Variants in PCDH15 observed in about 807,000 individuals in gnomAD.
The protein encoded by PCDH15 is protocadherin related 15.
PCDH15 carries 129 observed loss-of-function variants against 178.5 expected under a neutral mutation model. The observed-to-expected ratio is 0.72, with a 90% CI of 0.63 to 0.84. The LOEUF is 0.84. Ranked by LOEUF, PCDH15 falls within the 40% of genes least tolerant of loss-of-function variation. The probability of loss-of-function intolerance (pLI) is 0.00; values close to 1 mark genes in which losing one functional copy is unlikely to be tolerated. For missense variants in PCDH15, 2,230 were observed against 2,099.9 expected (o/e 1.06, Z -1.21); for synonymous variants, 800 against 732.0 (o/e 1.09, Z -1.50).
At position 54,781,594 on chromosome 10, in the gene PCDH15, C is replaced by A. The variant is rs1950364815; in HGVS notation, c.-29+19331G>T. On this transcript the variant is annotated intron_variant, in intron 1 of 37. Transcript: ENST00000644397. ...AAGTCATTCTAATGAAGCAATAACACTAACATAGTTTTCCAATAAATATAC... is the reference window on the plus strand; with the variant it reads ...AAGTCATTCTAATGAAGCAATAACAATAACATAGTTTTCCAATAAATATAC... 2.6e-5 allele frequency among the ~76,000 whole-genome samples: 4 copies of A among 152,122 alleles called. No homozygotes were observed. In the South Asian group the frequency reaches 6.2e-4, roughly 24 times the overall value.
At chr10:55,387,676 A>G (rs1837695221) in intron 2 of PCDH15, among the ~76,000 whole-genome samples, 1 of 152,148 alleles carries the variant, frequency 6.6e-6, no homozygotes, top group Non-Finnish European at 1.5e-5. Flanking sequence ...AGGCACTTTA[A>G]GAGCCAAATT....
At chr10:55,617,368 T>C (rs745542634) in intron 2 of PCDH15, among the ~76,000 whole-genome samples, 4 of 152,070 alleles carry the variant, frequency 2.6e-5, no homozygotes, top group Non-Finnish European at 5.9e-5. Flanking sequence ...TTCACTGTAA[T>C]TGCTGCAAAC....
intron 8 of PCDH15, among the ~76,000 whole-genome samples, chr10:54,287,321 A>G (rs2059092829): frequency 6.6e-6 from 1 of 152,224 alleles, no homozygotes; most frequent in Admixed American, 6.5e-5. Flanking sequence ...CTTTTATGAC[A>G]CACAACAATT....
chr10:53,958,159 T>A (rs1352726083), intron 23 of PCDH15, among the ~76,000 whole-genome samples: 1 of 152,126 alleles, frequency 6.6e-6, no homozygotes, highest in African/African-American at 2.4e-5. Flanking sequence ...AACACTAAAG[T>A]CATCCTAGAA....
chr10:54,286,126 T>C (rs2059011903), intron 8 of PCDH15, among the ~76,000 whole-genome samples: 1 of 152,186 alleles, frequency 6.6e-6, no homozygotes, highest in African/African-American at 2.4e-5. Flanking sequence ...TTCTGGTGCT[T>C]TATTGCACAT....
At chr10:54,123,455 G>A (rs1014436246) in intron 15 of PCDH15, among the ~76,000 whole-genome samples, 9 of 152,014 alleles carry the variant, frequency 5.9e-5, no homozygotes, top group African/African-American at 2.2e-4. Flanking sequence ...AGAAATGCAA[G>A]TCAAAACCAC....
Position 54,825,119 on chromosome 10 carries a change from C to T in PCDH15, c.-29+72331G>A, listed in dbSNP as rs1420007351. Reference sequence around the variant, plus strand: ...ATTCCCACCTATGAGTGAGAACATGCGGTGTTTGGTTTTTTGTCCTTGCGA... The same window carrying T: ...ATTCCCACCTATGAGTGAGAACATGTGGTGTTTGGTTTTTTGTCCTTGCGA... On this transcript the variant is annotated intron_variant, in intron 3 of 5. Transcript: ENST00000458638. Among the ~76,000 whole-genome samples the T allele has an allele frequency of 5.9e-5, 9 of 151,710 alleles. 1 individual carries two copies. In the South Asian group the frequency reaches 6.3e-4, roughly 11 times the overall value.
intron 28 of PCDH15, among the ~76,000 whole-genome samples, chr10:53,842,360 G>T (rs912204545): frequency 1.3e-5 from 2 of 152,078 alleles, no homozygotes; most frequent in African/African-American, 4.8e-5. Flanking sequence ...GGGTTCAAGG[G>T]ATTCTCCTGT....
chr10:54,903,874 T>A (rs796336210), intron 2 of PCDH15, among the ~76,000 whole-genome samples: 22 of 152,204 alleles, frequency 1.4e-4, no homozygotes, highest in African/African-American at 5.1e-4. Flanking sequence ...AAGAGCGTAG[T>A]TCCCTCCCAC....
At chr10:54,506,436 A>T (rs1178876723) in intron 3 of PCDH15, among the ~76,000 whole-genome samples, 1 of 152,072 alleles carries the variant, frequency 6.6e-6, no homozygotes, top group Non-Finnish European at 1.5e-5. Flanking sequence ...TGAGAAATTA[A>T]CATTAAATCA....
At chr10:54,848,765 A>G (rs1279115912) in intron 3 of PCDH15, among the ~76,000 whole-genome samples, 1 of 152,190 alleles carries the variant, frequency 6.6e-6, no homozygotes. Flanking sequence ...AACTTCACAT[A>G]TATTTATTTC....
At chr10:54,984,449 T>A (rs1215046741) in intron 2 of PCDH15, among the ~76,000 whole-genome samples, 1 of 152,186 alleles carries the variant, frequency 6.6e-6, no homozygotes, top group African/African-American at 2.4e-5. Flanking sequence ...CAGACAGGCC[T>A]TGCTGTGTTT....
chr10:54,756,089 A>ACACACACACACACTCT (rs143374986), intron 1 of PCDH15, among the ~76,000 whole-genome samples: 3 of 148,228 alleles, frequency 2.0e-5, no homozygotes, highest in African/African-American at 5.0e-5. Context: ...ACACACACAC[A>ACACACACACACACTCT]CACACACAAA....
intron 2 of PCDH15, among the ~76,000 whole-genome samples, chr10:55,037,264 C>T (rs12358936): frequency 7.2e-5 from 11 of 151,814 alleles, no homozygotes; most frequent in African/African-American, 1.7e-4. Flanking sequence ...GACGGAGTCT[C>T]GCTCTGTTGC....
chr10:53,808,556 G>T, intron 37 of PCDH15: 1 of 1,441,484 alleles, frequency 6.9e-7, no homozygotes, highest in Non-Finnish European at 9.1e-7. Flanking sequence ...CACTTTTCTG[G>T]CATGCTTCTG....
chr10:53,909,340 G>A (rs926907614), intron 25 of PCDH15, among the ~76,000 whole-genome samples: 7 of 151,946 alleles, frequency 4.6e-5, no homozygotes, highest in African/African-American at 1.7e-4. Context: ...ACCCAGTCTC[G>A]GTTATTTCTT....
chr10:55,455,245 A>G (rs766889770), intron 2 of PCDH15, among the ~76,000 whole-genome samples: 1 of 152,182 alleles, frequency 6.6e-6, no homozygotes, highest in Non-Finnish European at 1.5e-5. Flanking sequence ...ACACCCAAAT[A>G]TAACTGCGTC....
chr10:55,301,276 A>T (rs1843270548), intron 1 of PCDH15, among the ~76,000 whole-genome samples: 1 of 152,220 alleles, frequency 6.6e-6, no homozygotes, highest in South Asian at 2.1e-4. Context: ...TTGCTGTTAT[A>T]ATTGTTACTT....
At chr10:54,118,787 T>A (rs1434418923) in intron 15 of PCDH15, among the ~76,000 whole-genome samples, 2 of 151,790 alleles carry the variant, frequency 1.3e-5, no homozygotes, top group African/African-American at 2.4e-5. Flanking sequence ...TATTTTTTTT[T>A]GTCAAAATGA....
Sources: allele counts gnomAD v4.1 joint callset (sites outside exome capture counted in the v4.1 genomes callset), GRCh38; gene constraint gnomAD v4.1.1; transcripts MANE v1.5; gene names NCBI Gene and HGNC (gene_info 2026-07-23, HGNC 2026-07-21).